Variants in GALNTL6 observed in about 807,000 individuals in gnomAD.
GALNTL6 encodes polypeptide N-acetylgalactosaminyltransferase-like 6.
A neutral mutation model predicts 73.7 loss-of-function variants in GALNTL6; 46 were observed. That is an observed-to-expected ratio of 0.62 (90% CI 0.49 to 0.80). GALNTL6 has a LOEUF of 0.80. GALNTL6 is among the 30% of genes least tolerant of loss of function. The pLI, the probability that GALNTL6 is intolerant of heterozygous loss-of-function variation, is 0.00. For synonymous variants in GALNTL6, 259 were observed against 263.7 expected (o/e 0.98, Z 0.17); for missense variants, 604 against 755.0 (o/e 0.80, Z 2.34).
intron 5 of GALNTL6, among the ~76,000 whole-genome samples, chr4:172,619,775 A>G (rs563487154): frequency 8.5e-5 from 13 of 152,318 alleles, no homozygotes; most frequent in Non-Finnish European, 1.6e-4. Flanking sequence ...TAACATAACA[A>G]TATCCCGGAG....
chr4:172,537,045 C>T (rs1735369800), intron 5 of GALNTL6, among the ~76,000 whole-genome samples: 1 of 152,114 alleles, frequency 6.6e-6, no homozygotes, highest in Non-Finnish European at 1.5e-5. Flanking sequence ...GCTTGTACCC[C>T]CATTATATTT....
At chr4:172,172,254 G>A (rs1421726011) in intron 2 of GALNTL6, among the ~76,000 whole-genome samples, 1 of 152,148 alleles carries the variant, frequency 6.6e-6, no homozygotes, top group African/African-American at 2.4e-5. Flanking sequence ...CTGGAGCACA[G>A]TGGTGCGATC....
intron 2 of GALNTL6, among the ~76,000 whole-genome samples, chr4:172,043,590 G>T (rs1742145189): frequency 6.6e-6 from 1 of 151,982 alleles, no homozygotes; most frequent in South Asian, 2.1e-4. Context: ...TTATTTATAG[G>T]ATTAGAATAC....
chr4:173,037,403 G>A (rs1358045424), intron 12 of GALNTL6, among the ~76,000 whole-genome samples: 3 of 152,180 alleles, frequency 2.0e-5, no homozygotes, highest in African/African-American at 4.8e-5. Flanking sequence ...CAACTTTTAT[G>A]AGAACATGAA....
At chr4:172,313,110 G>C (rs1229786903) in intron 4 of GALNTL6, among the ~76,000 whole-genome samples, 2 of 141,436 alleles carry the variant, frequency 1.4e-5, no homozygotes, top group Admixed American at 7.1e-5. Context: ...TATCTATCCA[G>C]TTCCCCCCCC....
chr4:172,177,688 G>A (rs1301669738), intron 2 of GALNTL6, among the ~76,000 whole-genome samples: 1 of 140,424 alleles, frequency 7.1e-6, no homozygotes, highest in Non-Finnish European at 1.5e-5. Flanking sequence ...ATGTAACACT[G>A]AACTAATAGT....
At chr4:172,393,260 T>C (rs1331181783) in intron 5 of GALNTL6, among the ~76,000 whole-genome samples, 1 of 152,068 alleles carries the variant, frequency 6.6e-6, no homozygotes, top group Non-Finnish European at 1.5e-5. Context: ...AGAAAACACT[T>C]GAGAAAAAAT....
chr4:171,888,972 ACAAAGAATTTCCTTCTTGATCCACACTT>A (rs1736683543), intron 2 of GALNTL6, among the ~76,000 whole-genome samples: 1 of 152,064 alleles, frequency 6.6e-6, no homozygotes, highest in Admixed American at 6.6e-5. Flanking sequence ...GAAATTCAAA[ACAAAGAATTTCCTTCTTGATCCACACTT>A]CAAAGCCTTG....
intron 2 of GALNTL6, among the ~76,000 whole-genome samples, chr4:171,903,097 G>C (rs1737150562): frequency 6.6e-6 from 1 of 152,128 alleles, no homozygotes; most frequent in South Asian, 2.1e-4. Context: ...AGAACTTAAA[G>C]AGATTGATAT....
At chr4:172,554,222 C>G (rs1018231798) in intron 5 of GALNTL6, among the ~76,000 whole-genome samples, 10 of 152,168 alleles carry the variant, frequency 6.6e-5, no homozygotes, top group African/African-American at 2.2e-4. Flanking sequence ...AAGTTTACCT[C>G]TTTGATATAT....
At chr4:172,028,494 T>C (rs1245127430) in intron 2 of GALNTL6, among the ~76,000 whole-genome samples, 1 of 152,066 alleles carries the variant, frequency 6.6e-6, no homozygotes, top group Non-Finnish European at 1.5e-5. Flanking sequence ...AAATGTAAGA[T>C]AGGTTGGATT....
chr4:172,134,019 T>G (rs1352693632), intron 2 of GALNTL6, among the ~76,000 whole-genome samples: 2 of 152,192 alleles, frequency 1.3e-5, no homozygotes, highest in African/African-American at 4.8e-5. Context: ...ATTAGTTGAC[T>G]GAAGAATGAG....
intron 5 of GALNTL6, among the ~76,000 whole-genome samples, chr4:172,606,459 C>A (rs376780488): frequency 1.6e-3 from 197 of 120,742 alleles, no homozygotes; most frequent in African/African-American, 2.5e-3. Context: ...TGTCTCAAAA[C>A]AAAAAAAAAA....
chr4:172,095,991 C>T (rs1732341528), intron 2 of GALNTL6, among the ~76,000 whole-genome samples: 1 of 147,946 alleles, frequency 6.8e-6, no homozygotes, highest in Non-Finnish European at 1.5e-5. Flanking sequence ...CTTTTCTTTT[C>T]TCTCTTTTCT....
At position 172,732,562 on chromosome 4, in the gene GALNTL6, C is replaced by T. The variant is rs1344442376; in HGVS notation, c.554-76799C>T. On this transcript the variant is annotated intron_variant, in intron 5 of 12. Transcript: ENST00000506823. Reference sequence around the variant, plus strand: ...TGATAAGAACTTACCACTGCTGTTTCGTTGCTTGTTTTTTGGTGGTTTTGA... The same window carrying T: ...TGATAAGAACTTACCACTGCTGTTTTGTTGCTTGTTTTTTGGTGGTTTTGA... Among the ~76,000 whole-genome samples the T allele has an allele frequency of 2.6e-5, 4 of 152,214 alleles. 1 individual carries two copies. The highest frequency in any genetic ancestry group is 2.9e-5 in the Non-Finnish European group (2 of 68,004).
intron 7 of GALNTL6, among the ~76,000 whole-genome samples, chr4:172,865,321 G>A (rs1448495042): frequency 6.6e-6 from 1 of 152,160 alleles, no homozygotes; most frequent in African/African-American, 2.4e-5. Flanking sequence ...CAAGATAAAC[G>A]CTGTTTGTTC....
At chr4:172,966,555 C>A (rs906897227) in intron 10 of GALNTL6, among the ~76,000 whole-genome samples, 1 of 152,178 alleles carries the variant, frequency 6.6e-6, no homozygotes, top group Admixed American at 6.5e-5. Flanking sequence ...CCACCACGCC[C>A]AGCTAATTTT....
chr4:172,271,282 G>A (rs1560999697), intron 3 of GALNTL6, among the ~76,000 whole-genome samples: 1 of 152,208 alleles, frequency 6.6e-6, no homozygotes, highest in East Asian at 1.9e-4. Context: ...GTGATTAAAT[G>A]TATTAACTGC....
intron 2 of GALNTL6, among the ~76,000 whole-genome samples, chr4:171,852,867 G>A (rs1389831513): frequency 6.6e-6 from 1 of 152,016 alleles, no homozygotes; most frequent in Non-Finnish European, 1.5e-5. Flanking sequence ...TTGTTTTTGA[G>A]ATGGAGTCTT....
Sources: gnomAD v4.1 joint callset for allele counts (sites outside exome capture counted in the v4.1 genomes callset) on GRCh38, gnomAD v4.1.1 for gene constraint, MANE v1.5 for transcripts, NCBI Gene and HGNC (gene_info 2026-07-23, HGNC 2026-07-21) for gene names.